Variants in CACNA1C observed in about 807,000 individuals in gnomAD.
CACNA1C encodes the protein calcium voltage-gated channel subunit alpha1 C, also known as voltage-dependent L-type calcium channel subunit alpha-1C.
A neutral mutation model predicts 229.0 loss-of-function variants in CACNA1C; 30 were observed. That is an observed-to-expected ratio of 0.13 (90% CI 0.10 to 0.18). The LOEUF (loss-of-function observed/expected upper bound fraction) is 0.18, where lower values mean the gene tolerates loss of function less well. Ranked by LOEUF, CACNA1C falls within the 10% of genes least tolerant of loss-of-function variation. The pLI, the probability that CACNA1C is intolerant of heterozygous loss-of-function variation, is 1.00. For synonymous variants in CACNA1C, 1,114 were observed against 1,132.5 expected (o/e 0.98, Z 0.33); for missense variants, 1,658 against 2,845.0 (o/e 0.58, Z 9.49).
intron 5 of CACNA1C, among the ~76,000 whole-genome samples, chr12:2,480,413 T>G (rs1567936461): frequency 6.6e-6 from 1 of 152,248 alleles, no homozygotes; most frequent in Admixed American, 6.5e-5. Context: ...TCTGCTTCTT[T>G]AAGGCTCTTC....
intron 1 of CACNA1C, among the ~76,000 whole-genome samples, chr12:2,109,096 G>A (rs2080500064): frequency 6.6e-6 from 1 of 152,190 alleles, no homozygotes; most frequent in South Asian, 2.1e-4. Context: ...AAATCGATGT[G>A]GGTGTCTGTG....
intron 3 of CACNA1C, among the ~76,000 whole-genome samples, chr12:2,340,075 A>C (rs934734914): frequency 1.3e-5 from 2 of 152,216 alleles, no homozygotes; most frequent in African/African-American, 4.8e-5. Flanking sequence ...AATCCTGTGA[A>C]GGTGTCCTGG....
chr12:2,411,037 CCT>C (rs2098801888), intron 3 of CACNA1C, among the ~76,000 whole-genome samples: 1 of 152,130 alleles, frequency 6.6e-6, no homozygotes, highest in Admixed American at 6.5e-5. Flanking sequence ...GCCAGTTCTG[CCT>C]CTTAGGAAGG....
chr12:2,145,234 T>TAA (rs200953700), intron 3 of CACNA1C, among the ~76,000 whole-genome samples: 2 of 150,900 alleles, frequency 1.3e-5, no homozygotes, highest in Non-Finnish European at 3.0e-5. Context: ...TTTATTTTTG[T>TAA]AAAAAAAATG....
intron 1 of CACNA1C, chr12:2,004,227 C>T (rs747593881): frequency 6.2e-7 from 1 of 1,601,176 alleles, no homozygotes; most frequent in South Asian, 1.1e-5. Context: ...GAGTCTGACG[C>T]CCCCCGCCTC....
intron 29 of CACNA1C, among the ~76,000 whole-genome samples, chr12:2,623,328 G>A (rs1259457774): frequency 6.6e-6 from 1 of 151,934 alleles, no homozygotes; most frequent in Non-Finnish European, 1.5e-5. Context: ...GTTCTGCTTG[G>A]TCCTGAGTGC....
intron 5 of CACNA1C, among the ~76,000 whole-genome samples, chr12:2,469,020 T>C (rs2154567350): frequency 6.6e-6 from 1 of 152,342 alleles, no homozygotes; most frequent in African/African-American, 2.4e-5. Context: ...TTTTGTTTTG[T>C]TTTTTAATAT....
intron 9 of CACNA1C, among the ~76,000 whole-genome samples, chr12:2,546,637 C>CT (rs1477563777): frequency 2.0e-5 from 3 of 152,260 alleles, no homozygotes; most frequent in Non-Finnish European, 4.4e-5. Flanking sequence ...TGGGTAGTGT[C>CT]TTCACACTCT....
At chr12:2,056,115 G>A (rs1397761900) in intron 1 of CACNA1C, among the ~76,000 whole-genome samples, 1 of 151,932 alleles carries the variant, frequency 6.6e-6, no homozygotes, top group East Asian at 1.9e-4. Context: ...CTCTCTTCCC[G>A]ACATGCTCTG....
chr12:2,509,058 C>T (rs2099777843), intron 8 of CACNA1C, among the ~76,000 whole-genome samples: 3 of 152,198 alleles, frequency 2.0e-5, no homozygotes, highest in Non-Finnish European at 2.9e-5. Context: ...TTGGGAAGTG[C>T]GCCTCCAGTT....
chr12:2,328,731 A>C (rs1362147483), intron 3 of CACNA1C, among the ~76,000 whole-genome samples: 1 of 152,192 alleles, frequency 6.6e-6, no homozygotes, highest in Admixed American at 6.5e-5. Flanking sequence ...GCAATTAGAC[A>C]AGGATGTCTA....
At chr12:2,232,572 G>A (rs2065769540) in intron 3 of CACNA1C, among the ~76,000 whole-genome samples, 1 of 151,994 alleles carries the variant, frequency 6.6e-6, no homozygotes, top group South Asian at 2.1e-4. Flanking sequence ...AGTATCCTGG[G>A]GGAGATATTT....
At chr12:2,378,437 C>T (rs546016871) in intron 3 of CACNA1C, among the ~76,000 whole-genome samples, 15 of 152,266 alleles carry the variant, frequency 9.9e-5, no homozygotes, top group Admixed American at 3.9e-4. Context: ...GCCACAAAAG[C>T]GCCTGTCTTC....
rs1222128962 is a variant in CACNA1C, at chr12:2,695,760, C to G, written c.*4561C>G. The G allele has an allele frequency of 6.6e-6, 1 of 152,250 alleles. No individual in the cohort carries two copies. Among genetic ancestry groups the G allele is most frequent in the African/African-American group, 2.4e-5 (1 of 41,460 alleles). 9.4% of individuals were successfully genotyped at this position (152,250 alleles called of 1,614,324 possible). ...ACACGACCTCTTTGTGAAGCCTCTT[C>G]TGGGTTTAACTTCATTCATCAATTT... On this transcript the variant is annotated 3_prime_UTR_variant, in exon 47 of 47. Coordinates refer to ENST00000399655, the MANE Select transcript of CACNA1C (RefSeq NM_000719.7).
intron 1 of CACNA1C, among the ~76,000 whole-genome samples, chr12:2,026,081 T>C (rs539127332): frequency 6.6e-6 from 1 of 152,338 alleles, no homozygotes; most frequent in African/African-American, 2.4e-5. Context: ...GCATTCTTAT[T>C]GGCCTATTCA....
chr12:2,103,528 C>T (rs1016831280), intron 1 of CACNA1C, among the ~76,000 whole-genome samples: 1 of 152,058 alleles, frequency 6.6e-6, no homozygotes, highest in Admixed American at 6.5e-5. Context: ...CTGTAGGTTG[C>T]CTGTTCACTC....
intron 43 of CACNA1C, among the ~76,000 whole-genome samples, chr12:2,683,043 TATAG>T (rs1373112563): frequency 6.6e-6 from 1 of 152,042 alleles, no homozygotes; most frequent in East Asian, 1.9e-4. Flanking sequence ...CACATACATA[TATAG>T]ATAATTAAAC....
intron 21 of CACNA1C, among the ~76,000 whole-genome samples, chr12:2,600,127 G>C (rs1279506373): frequency 1.3e-5 from 2 of 152,166 alleles, no homozygotes; most frequent in Admixed American, 1.3e-4. Context: ...CAAGGTGGCT[G>C]GGGAAGTACT....
chr12:2,126,930 G>T (rs755094055), intron 3 of CACNA1C, among the ~76,000 whole-genome samples: 1 of 152,194 alleles, frequency 6.6e-6, no homozygotes, highest in Non-Finnish European at 1.5e-5. Flanking sequence ...TTGGCACCTT[G>T]TGCTAGCTTT....
Sources: gnomAD v4.1 joint callset for allele counts (sites outside exome capture counted in the v4.1 genomes callset) on GRCh38, gnomAD v4.1.1 for gene constraint, MANE v1.5 for transcripts, NCBI Gene and HGNC (gene_info 2026-07-23, HGNC 2026-07-21) for gene names.